The following USH2A variants were observed in gnomAD, a reference collection of about 807,000 sequenced individuals.
USH2A encodes Usher syndrome 2A (autosomal recessive, mild).
USH2A carries 443 observed loss-of-function variants against 538.9 expected under a neutral mutation model. That is an observed-to-expected ratio of 0.82 (90% CI 0.76 to 0.89). USH2A has a LOEUF of 0.89. USH2A is among the 40% of genes least tolerant of loss of function. The probability of loss-of-function intolerance (pLI) is 0.00; values close to 1 mark genes in which losing one functional copy is unlikely to be tolerated. For missense variants in USH2A, 6,633 were observed against 6,324.8 expected (o/e 1.05, Z -1.65); for synonymous variants, 2,413 against 2,273.5 (o/e 1.06, Z -1.75).
At chr1:216,152,377 A>G (rs1489976076) in intron 21 of USH2A, among the ~76,000 whole-genome samples, 1 of 152,048 alleles carries the variant, frequency 6.6e-6, no homozygotes, top group Non-Finnish European at 1.5e-5. Flanking sequence ...TCCTTGCCTT[A>G]ACTTATGACA....
intron 7 of USH2A, 118 bp downstream of exon 7, chr1:216,324,050 T>A: frequency 8.9e-7 from 1 of 1,128,636 alleles, no homozygotes; most frequent in East Asian, 2.6e-5. Flanking sequence ...CTTAGGAGAA[T>A]CTGCCTCAAG....
At chr1:216,369,892 C>T (rs1355960222) in intron 3 of USH2A, among the ~76,000 whole-genome samples, 1 of 136,582 alleles carries the variant, frequency 7.3e-6, no homozygotes, top group Non-Finnish European at 1.5e-5. Context: ...CATTGCACTA[C>T]AGCCTGGGTG....
intron 33 of USH2A, 124 bp downstream of exon 33, chr1:216,000,279 A>T (rs908680965): frequency 7.6e-7 from 1 of 1,322,682 alleles, no homozygotes. Context: ...GATCCACTGA[A>T]CTAATCACTT....
intron 4 of USH2A, among the ~76,000 whole-genome samples, chr1:216,335,405 A>T (rs1201619718): frequency 6.6e-6 from 1 of 151,514 alleles, no homozygotes; most frequent in Non-Finnish European, 1.5e-5. Context: ...AACTCAACCT[A>T]AAGCTAGCAG....
In USH2A at chr1:216,154,157, G is replaced by A. The variant is rs144137092; in HGVS notation, c.4627+21095C>T. Among the ~76,000 whole-genome samples the A allele has an allele frequency of 9.1e-3, 1,390 of 152,092 alleles. 20 individuals are homozygous for A. The highest frequency in any genetic ancestry group is 0.03 in the African/African-American group (1,245 of 41,490). ...CCTTCTTAGGATAAAATAAAATATA[G>A]TCCTTTCTATTTACAAAAATTCCCT... On this transcript the variant is annotated intron_variant, in intron 21 of 71. Transcript: ENST00000307340.
At chr1:216,336,013 G>C (rs189765747) in intron 4 of USH2A, among the ~76,000 whole-genome samples, 1 of 151,436 alleles carries the variant, frequency 6.6e-6, no homozygotes, top group Admixed American at 6.6e-5. Context: ...AGATGCAAAA[G>C]TCTTCAACAA....
chr1:215,957,974 G>A (rs1457977315), intron 37 of USH2A, among the ~76,000 whole-genome samples: 3 of 152,050 alleles, frequency 2.0e-5, no homozygotes, highest in South Asian at 2.1e-4. Flanking sequence ...CTCTGAAACC[G>A]CAGATTTCCC....
intron 20 of USH2A, among the ~76,000 whole-genome samples, chr1:216,187,446 T>A (rs1489906652): frequency 6.6e-6 from 1 of 151,952 alleles, no homozygotes; most frequent in Admixed American, 6.6e-5. Context: ...ATGTGAAATT[T>A]GCTGTTTTTG....
chr1:215,806,274 T>C (rs955243494), intron 49 of USH2A, among the ~76,000 whole-genome samples: 1 of 149,630 alleles, frequency 6.7e-6, no homozygotes, highest in Non-Finnish European at 1.5e-5. Flanking sequence ...TATTTTTTGT[T>C]TAGTAATTCC....
chr1:216,361,617 G>A (rs1038304470), intron 4 of USH2A, among the ~76,000 whole-genome samples: 6 of 152,032 alleles, frequency 3.9e-5, no homozygotes, highest in African/African-American at 1.4e-4. Flanking sequence ...ATATTCATTT[G>A]GCAAATAAGC....
At chr1:216,375,090 T>G (rs2038793412) in intron 3 of USH2A, among the ~76,000 whole-genome samples, 1 of 152,134 alleles carries the variant, frequency 6.6e-6, no homozygotes, top group African/African-American at 2.4e-5. Context: ...ATCACACACT[T>G]ACTTCTATAT....
chr1:215,742,426 T>G (rs1281849625), intron 59 of USH2A, among the ~76,000 whole-genome samples: 1 of 152,096 alleles, frequency 6.6e-6, no homozygotes, highest in African/African-American at 2.4e-5. Flanking sequence ...TGAGATCATA[T>G]ATATCATATG....
rs778803503 is a variant in USH2A at position 216,422,315 on chromosome 1, A to T, written c.22T>A (p.Leu8Met). The T allele has an allele frequency of 1.9e-6, 3 of 1,613,842 alleles. No homozygotes were observed. Among genetic ancestry groups the T allele is most frequent in the South Asian group, 2.2e-5 (2 of 91,082 alleles). ...ACCTGAAACAAGAAGCCAGAGCCCA[A>T]TGAAAGAACTGGGCAATTCATGTTT... MNCPVLS[L>M]GSGFLFQVIE... Residue 8 changes from leucine (L) to methionine (M), a missense_variant, in exon 2 of 72, where the codon TTG becomes ATG. Coordinates refer to ENST00000307340, the MANE Select transcript of USH2A (RefSeq NM_206933.4).
At chr1:216,284,183 T>C (rs2036838230) in intron 11 of USH2A, among the ~76,000 whole-genome samples, 2 of 152,122 alleles carry the variant, frequency 1.3e-5, no homozygotes, top group African/African-American at 4.8e-5. Flanking sequence ...TCCAAAGAAA[T>C]CTGAGATAGT....
chr1:216,289,828 T>C (rs1460482699), intron 10 of USH2A, among the ~76,000 whole-genome samples: 2 of 152,176 alleles, frequency 1.3e-5, no homozygotes, highest in Admixed American at 6.5e-5. Flanking sequence ...GGAAATATTT[T>C]TCTAGAACTC....
chr1:215,644,617 TA>T (rs1346763239), intron 67 of USH2A, among the ~76,000 whole-genome samples: 1 of 152,086 alleles, frequency 6.6e-6, no homozygotes, highest in African/African-American at 2.4e-5. Flanking sequence ...AACCACTTTT[TA>T]AAAAAGGATT....
chr1:215,727,115 G>GA (rs1477130536), intron 61 of USH2A, among the ~76,000 whole-genome samples: 1 of 151,934 alleles, frequency 6.6e-6, no homozygotes, highest in South Asian at 2.1e-4. Context: ...AGCCATCCCT[G>GA]AAAAAAATCA....
At chr1:215,865,060 T>G (rs755517923) in intron 44 of USH2A, among the ~76,000 whole-genome samples, 35 of 152,202 alleles carry the variant, frequency 2.3e-4, no homozygotes, top group Non-Finnish European at 4.6e-4. Context: ...TTGAGCATAT[T>G]AGACTGTATG....
chr1:215,655,955 C>CAAACTCCTGACCT (rs1466417525), intron 64 of USH2A, among the ~76,000 whole-genome samples: 1 of 151,922 alleles, frequency 6.6e-6, no homozygotes, highest in East Asian at 1.9e-4. Flanking sequence ...AGGCTGGTCT[C>CAAACTCCTGACCT]AAACTCCTGA....
Sources: gnomAD v4.1 joint callset for allele counts (sites outside exome capture counted in the v4.1 genomes callset) on GRCh38, gnomAD v4.1.1 for gene constraint, MANE v1.5 for transcripts, NCBI Gene and HGNC (gene_info 2026-07-23, HGNC 2026-07-21) for gene names.